The following HMX1 variants were observed in gnomAD, a reference collection of about 807,000 sequenced individuals.
HMX1 encodes H6 family homeobox 1.
HMX1 carries 8 observed loss-of-function variants against 8.9 expected under a neutral mutation model. That is an observed-to-expected ratio of 0.90 (90% CI 0.53 to 1.63). The LOEUF is 1.63. HMX1 is among the 40% of genes most tolerant of loss of function. HMX1 has a pLI of 0.00. For synonymous variants in HMX1, 311 were observed against 283.4 expected, an observed-to-expected ratio of 1.10 and a Z score of -0.98; for missense variants, 621 against 558.5, an observed-to-expected ratio of 1.11 and a Z score of -1.13.
At chr4:8,866,456 G>A (rs1721999394), downstream of HMX1, among the ~76,000 whole-genome samples, 1 of 152,224 alleles carries the variant, frequency 6.6e-6, no homozygotes, top group African/African-American at 2.4e-5. Flanking sequence ...AGCCAGCTTG[G>A]GGCTGATGGA....
rs1722201988 is a variant in HMX1, at chr4:8,871,188, C to T, written c.394+33G>A. 7.2e-7 allele frequency: 1 copy of T among 1,381,738 alleles called. No homozygotes were observed. Among genetic ancestry groups the T allele is most frequent in the Non-Finnish European group, 9.3e-7 (1 of 1,071,384 alleles). The allele number at this position is 1,381,738 out of a possible 1,614,324, so 85.6% of individuals were successfully genotyped here. A position where few individuals can be genotyped will look rare whatever the true frequency, so the allele number is the denominator to read the frequency against. ...GCGCAGGGAGGAAGTCGGGCCCCACCGCCTGACCCACCCTCCCCGCGCCCT... is the reference window on the plus strand; with the variant it reads ...GCGCAGGGAGGAAGTCGGGCCCCACTGCCTGACCCACCCTCCCCGCGCCCT... On this transcript the variant is annotated intron_variant, in intron 1 of 1. Transcript: ENST00000400677. The surrounding 1 kb of genome is among the most constrained non-coding windows in gnomAD (Gnocchi z 4.8).
Position 8,867,719 on chromosome 4 carries a change from G to C in HMX1, c.1021C>G (p.Arg341Gly), listed in dbSNP as rs1373277121. Residue 341 changes from arginine to glycine, a missense_variant, in exon 2 of 2, where the codon CGG (arginine) becomes GGG (glycine). Physicochemically the swap from Arg to Gly is moderately radical, Grantham distance 125. Transcript: ENST00000400677. ...FPAAASVPFL[R>G]AQMPGLV ...CACACCAGGCCAGGCATCTGCGCCC[G>C]CAGAAAGGGCACGGAGGCGGCGGCC... 1.7e-5 allele frequency: 22 copies of C among 1,279,580 alleles called. No individual in the cohort carries two copies. The highest frequency in any genetic ancestry group is 2.2e-5 in the Non-Finnish European group (22 of 1,016,656). The allele number at this position is 1,279,580 out of a possible 1,614,324, so 79.3% of individuals were successfully genotyped here.
Position 8,867,466 on chromosome 4 carries a change from G to A in HMX1, c.*227C>T. ...AGAGTCTCTGCATGGCCCCCTGTTC[G>A]AGTGGGGATCCAGCCTGGCAAATGG... On this transcript the variant is annotated 3_prime_UTR_variant, in exon 2 of 2. Transcript: ENST00000400677. 2.6e-6 allele frequency: 3 copies of A among 1,139,864 alleles called. No homozygotes were observed. The highest frequency in any genetic ancestry group is 3.2e-6 in the Non-Finnish European group (3 of 930,006). 70.6% of individuals were successfully genotyped at this position (1,139,864 alleles called of 1,614,324 possible). A position where few individuals can be genotyped will look rare whatever the true frequency, so the allele number is the denominator to read the frequency against.
intron 1 of HMX1, among the ~76,000 whole-genome samples, chr4:8,860,240 C>A (rs1347426790): frequency 6.6e-6 from 1 of 152,172 alleles, no homozygotes; most frequent in Non-Finnish European, 1.5e-5. Flanking sequence ...ATACCCGGGG[C>A]CAAAACCGCT....
In HMX1 at chr4:8,867,717, C is replaced by A; in HGVS notation, c.1023G>T (p.Arg341=). The part of the protein sequence containing the change: ...FPAAASVPFL[R]AQMPGLV The stretch of plus-strand genomic sequence containing the variant: ...CTCACACCAGGCCAGGCATCTGCGC[C>A]CGCAGAAAGGGCACGGAGGCGGCGG... The change falls in exon 2 of 2, where the codon CGG becomes CGT. Residue 341 remains arginine (R), a synonymous_variant. Transcript: ENST00000400677. 1 of 1,279,178 alleles carries A rather than the reference C, an allele frequency of 7.8e-7. No homozygotes were observed. Among genetic ancestry groups the A allele is most frequent in the Non-Finnish European group, 9.8e-7 (1 of 1,016,582 alleles). The allele number at this position is 1,279,178 out of a possible 1,614,324, so 79.2% of individuals were successfully genotyped here.
chr4:8,851,123 C>T (rs1347770902), intron 1 of HMX1, among the ~76,000 whole-genome samples: 3 of 152,244 alleles, frequency 2.0e-5, no homozygotes, highest in Non-Finnish European at 4.4e-5. Flanking sequence ...AAGCAGCCGT[C>T]GTTACTGAGC....
chr4:8,846,180 G>T, exon 2 of HMX1: 1 of 1,282,032 alleles, frequency 7.8e-7, no homozygotes, highest in Non-Finnish European at 1.1e-6. Context: ...AGGCTCCACC[G>T]TGTTGTGGCT....
rs1167552232 is a variant in HMX1 at position 8,867,235 on chromosome 4, C to T, written c.*458G>A. The stretch of plus-strand genomic sequence containing the variant: ...AGAGGGGTAGCACAGCCCTCCGGGC[C>T]GGCCTGCTGTCTGGGTCCCAGGAAA... On this transcript the variant is annotated 3_prime_UTR_variant, in exon 2 of 2. Transcript: ENST00000400677. The T allele has an allele frequency of 5.1e-6, 5 of 985,858 alleles. No individual in the cohort carries two copies. Among genetic ancestry groups the T allele is most frequent in the Non-Finnish European group, 4.8e-6 (4 of 830,316 alleles). The allele number at this position is 985,858 out of a possible 1,614,324, so 61.1% of individuals were successfully genotyped here.
intron 1 of HMX1, among the ~76,000 whole-genome samples, chr4:8,852,394 G>T (rs1577192475): frequency 6.6e-6 from 1 of 152,204 alleles, no homozygotes; most frequent in African/African-American, 2.4e-5. Flanking sequence ...GAGCACCTAG[G>T]ACAGATGAGG....
intron 1 of HMX1, among the ~76,000 whole-genome samples, chr4:8,850,170 C>T (rs956094165): frequency 5.3e-5 from 8 of 152,080 alleles, no homozygotes; most frequent in Admixed American, 1.3e-4. Flanking sequence ...GGTTGCAGAC[C>T]GCTGGGAAAC....
intron 1 of HMX1, chr4:8,860,762 C>T (rs1336242578): frequency 2.0e-5 from 3 of 152,628 alleles, no homozygotes; most frequent in African/African-American, 7.2e-5. Flanking sequence ...GCCCCATGCC[C>T]TGCCCGCAGC....
Position 8,868,482 on chromosome 4 carries a change from A to G in HMX1, c.395-137T>C. 1.5e-6 allele frequency: 1 copy of G among 674,172 alleles called. No individual in the cohort carries two copies. The highest frequency in any genetic ancestry group is 2.1e-6 in the Non-Finnish European group (1 of 470,734). The allele number at this position is 674,172 out of a possible 1,614,324, so 41.8% of individuals were successfully genotyped here. On this transcript the variant is annotated intron_variant, in intron 1 of 1. Coordinates refer to ENST00000400677, the MANE Select transcript of HMX1 (RefSeq NM_018942.3). This position sits in a 1 kb window ranked among gnomAD's most constrained non-coding sequence, Gnocchi z 4.6. ...CCTTCCAGCACAGGGCTGGGCACCC[A>G]GCAGCTCTGGGGATGCACACATTGT...
In HMX1 at chr4:8,853,363, AGAAG is replaced by A. The variant is rs1245636264; in HGVS notation, c.395-7043_395-7040del. On this transcript the variant is annotated intron_variant, in intron 1 of 1. Transcript: ENST00000506970. The surrounding 1 kb of genome is among the most constrained non-coding windows in gnomAD (Gnocchi z 4.7). Reference sequence around the variant, plus strand: ...ATCACAGCCCCATTCCAGGCAGCCAAGAAGGAGAGTTTGAGGGTCACCCAACTTC... The same window carrying A: ...ATCACAGCCCCATTCCAGGCAGCCAAGAGAGTTTGAGGGTCACCCAACTTC... Among the ~76,000 whole-genome samples the A allele has an allele frequency of 1.1e-4, 16 of 152,178 alleles. No homozygotes were observed. The highest frequency in any genetic ancestry group is 1.9e-4 in the Non-Finnish European group (13 of 68,042).
downstream of HMX1, among the ~76,000 whole-genome samples, chr4:8,866,238 C>T (rs4245953): frequency 0.19 from 28,563 of 152,200 alleles, 3,658 homozygotes; most frequent in East Asian, 0.61. Flanking sequence ...GGCCGTCTGG[C>T]GCTACCTTGA....
At chr4:8,851,864 G>A (rs1331396682) in intron 1 of HMX1, among the ~76,000 whole-genome samples, 1 of 152,244 alleles carries the variant, frequency 6.6e-6, no homozygotes, top group African/African-American at 2.4e-5. Flanking sequence ...GGGCACTGTG[G>A]GGACACACTT....
chr4:8,862,570 A>G (rs1205816472), downstream of HMX1, among the ~76,000 whole-genome samples: 1 of 152,170 alleles, frequency 6.6e-6, no homozygotes, highest in East Asian at 1.9e-4. Context: ...ATTTTCACTG[A>G]ATACATAAAT....
rs1213373354 is a variant in HMX1, at chr4:8,868,146, C to A, written c.594G>T (p.Val198=). 3 of 1,507,080 alleles carry A rather than the reference C, an allele frequency of 2.0e-6. No homozygotes were observed. The highest frequency in any genetic ancestry group is 2.6e-6 in the Non-Finnish European group (3 of 1,133,142). 93.4% of individuals were successfully genotyped at this position (1,507,080 alleles called of 1,614,324 possible). The part of the protein sequence containing the change: ...AAGETRGGVG[V]GGGRKKKTRT... ...GCGTCTTCTTCTTTCGGCCGCCGCC[C>A]ACGCCAACGCCGCCGCGTGTCTCCC... is the stretch of plus-strand genomic sequence containing the variant. The change falls in exon 2 of 2, where the codon GTG becomes GTT. Residue 198 remains valine, a synonymous_variant. Transcript: ENST00000400677. The surrounding 1 kb of genome is among the most constrained non-coding windows in gnomAD (Gnocchi z 4.6).
chr4:8,863,739 G>A (rs563376674), downstream of HMX1, among the ~76,000 whole-genome samples: 15 of 152,376 alleles, frequency 9.8e-5, no homozygotes, highest in Non-Finnish European at 1.8e-4. Flanking sequence ...CTGCTCTCTC[G>A]GCCAAGGGCC....
chr4:8,846,408 C>A, intron 1 of HMX1: 1 of 1,106,796 alleles, frequency 9.0e-7, no homozygotes, highest in Non-Finnish European at 1.3e-6. Flanking sequence ...CCACTGCCAG[C>A]CACATGGCTC....
Sources: gnomAD v4.1 joint callset for allele counts (sites outside exome capture counted in the v4.1 genomes callset) on GRCh38, gnomAD v4.1.1 for gene constraint, Gnocchi (gnomAD v3.1) non-coding constraint, MANE v1.5 for transcripts, NCBI Gene and HGNC (gene_info 2026-07-23, HGNC 2026-07-21) for gene names.